Variants in ZC3H14 observed in about 807,000 individuals in gnomAD.
ZC3H14 encodes the protein zinc finger CCCH domain-containing protein 14.
ZC3H14 carries 31 observed loss-of-function variants against 92.4 expected under a neutral mutation model. The observed-to-expected ratio is 0.34, with a 90% CI of 0.25 to 0.45. The LOEUF (loss-of-function observed/expected upper bound fraction) is 0.45, where lower values mean the gene tolerates loss of function less well. Among genes scored for constraint, ZC3H14 ranks in the 20% least tolerant of loss-of-function variants. ZC3H14 has a pLI of 1.00. For synonymous variants in ZC3H14, 321 were observed against 300.9 expected (o/e 1.07, Z -0.69); for missense variants, 781 against 897.3 (o/e 0.87, Z 1.66).
In ZC3H14 at chr14:88,563,665, G is replaced by A. The variant is rs774260587; in HGVS notation, c.51G>A (p.Gly17=). 24 of 1,614,098 alleles carry A rather than the reference G, an allele frequency of 1.5e-5. No individual in the cohort carries two copies. Among genetic ancestry groups the A allele is most frequent in the Admixed American group, 1.3e-4 (8 of 60,010 alleles). ...TTTTCTCTCAGAGTGCCATTAAGGG[G>A]AAATTACAAGAATTAGGAGCTTATG... ...ISRKIRSAIK[G]KLQELGAYVD... Residue 17 remains glycine (G), a synonymous_variant, in exon 2 of 17, where the codon GGG becomes GGA. Transcript: ENST00000251038.
At position 88,572,228 on chromosome 14, in the gene ZC3H14, A is replaced by G. The variant is rs937324115; in HGVS notation, c.431+3A>G. ...GAGTCAAAAACCACAAATGTCAGGT[A>G]AGAGTCTGGTGTAGACCTGCTGGGG... On this transcript the variant is annotated splice_donor_region_variant and intron_variant, in intron 5 of 16. Coordinates refer to ENST00000251038, the MANE Select transcript of ZC3H14 (RefSeq NM_024824.5). 22 of 1,614,110 alleles carry G rather than the reference A, an allele frequency of 1.4e-5. No homozygotes were observed. Among genetic ancestry groups the G allele is most frequent in the Non-Finnish European group, 1.9e-5 (22 of 1,179,976 alleles).
Position 88,578,106 on chromosome 14 carries a change from G to T in ZC3H14, c.1245G>T (p.Glu415Asp). ...TPRISPPIKE[E>D]ETKGDSVEKN... ...GAATAAGTCCCCCCATTAAAGAAGAGGAAACAAAAGGAGATTCTGTAGAAA... is the reference window on the plus strand; with the variant it reads ...GAATAAGTCCCCCCATTAAAGAAGATGAAACAAAAGGAGATTCTGTAGAAA... The change falls in exon 9 of 17, where the codon GAG becomes GAT. Residue 415 changes from glutamate to aspartate, a missense_variant. By Grantham distance (45) the Glu-to-Asp change is conservative (BLOSUM62 2). Around this residue, in one of 3 missense-constraint regions of ZC3H14, gnomAD observed 454 missense variants for 438.5 expected, o/e 1.04. Coordinates refer to ENST00000251038, the MANE Select transcript of ZC3H14 (RefSeq NM_024824.5). 6.2e-7 allele frequency: 1 copy of T among 1,613,890 alleles called. No individual in the cohort carries two copies. The highest frequency in any genetic ancestry group is 1.1e-5 in the South Asian group (1 of 91,064).
At chr14:88,572,257 G>A in intron 5 of ZC3H14, 32 bp downstream of exon 5, 1 of 1,608,690 alleles carries the variant, frequency 6.2e-7, no homozygotes, top group East Asian at 2.2e-5. Flanking sequence ...GCTGGGGGCA[G>A]ATGGCTCTGT....
intron 9 of ZC3H14, among the ~76,000 whole-genome samples, chr14:88,585,866 T>C (rs1461420209): frequency 6.6e-6 from 1 of 152,236 alleles, no homozygotes; most frequent in Non-Finnish European, 1.5e-5. Context: ...CAATTTGATC[T>C]TTTTTAAAAT....
Position 88,617,079 on chromosome 14 carries a change from T to G in ZC3H14, c.*5328T>G, listed in dbSNP as rs1400670858. 2 of 460,900 alleles carry G rather than the reference T, an allele frequency of 4.3e-6. No individual in the cohort carries two copies. Among genetic ancestry groups the G allele is most frequent in the African/African-American group, 3.9e-5 (2 of 51,716 alleles). The allele number at this position is 460,900 out of a possible 1,614,324, so 28.6% of individuals were successfully genotyped here. On this transcript the variant is annotated 3_prime_UTR_variant, in exon 17 of 17. Coordinates refer to ENST00000251038, the MANE Select transcript of ZC3H14 (RefSeq NM_024824.5). ...CCTTTTAAAAATGACATTTTATAAT[T>G]TGAAGGGTTTCTAGATTAATCTTTT...
intron 2 of ZC3H14, 21 bp from the exon 3 acceptor site, chr14:88,568,018 T>C (rs1417099717): frequency 6.2e-7 from 1 of 1,602,710 alleles, no homozygotes; most frequent in East Asian, 2.2e-5. Flanking sequence ...AAAGTTTTGA[T>C]CTACCTTTCC....
chr14:88,626,782 A>G lies in ZC3H14; in HGVS notation c.*15031A>G. The G allele has an allele frequency of 2.6e-6, 4 of 1,562,042 alleles. No individual in the cohort carries two copies. The highest frequency in any genetic ancestry group is 2.6e-6 in the Non-Finnish European group (3 of 1,142,384). ...CAACATTCATGTGGCTGATGATCTAAGGCAAGAGAATGTAAAGTAGTCAAA... is the reference window on the plus strand; with the variant it reads ...CAACATTCATGTGGCTGATGATCTAGGGCAAGAGAATGTAAAGTAGTCAAA... On this transcript the variant is annotated 3_prime_UTR_variant, in exon 17 of 17. Coordinates refer to ENST00000251038, the MANE Select transcript of ZC3H14 (RefSeq NM_024824.5).
chr14:88,594,909 G>T, intron 9 of ZC3H14: 1 of 1,613,942 alleles, frequency 6.2e-7, no homozygotes, highest in South Asian at 1.1e-5. Flanking sequence ...CAGCTATTTT[G>T]ACAGTGGAAG....
At chr14:88,569,740 G>T (rs187931990) in intron 3 of ZC3H14, among the ~76,000 whole-genome samples, 2 of 152,296 alleles carry the variant, frequency 1.3e-5, no homozygotes, top group African/African-American at 4.8e-5. Flanking sequence ...TATACCAAAG[G>T]TCGTCTTCAA....
At position 88,563,050 on chromosome 14, in the gene ZC3H14, T is replaced by C; in HGVS notation, c.-84T>C. 5 of 1,523,964 alleles carry C rather than the reference T, an allele frequency of 3.3e-6. No homozygotes were observed. The South Asian group carries it at 6.0e-5, about 18-fold the overall frequency. The allele number at this position is 1,523,964 out of a possible 1,614,324, so 94.4% of individuals were successfully genotyped here. A position where few individuals can be genotyped will look rare whatever the true frequency, so the allele number is the denominator to read the frequency against. On this transcript the variant is annotated 5_prime_UTR_variant, in exon 1 of 17. Coordinates refer to ENST00000251038, the MANE Select transcript of ZC3H14 (RefSeq NM_024824.5). ...CGGAACGGAGGAGGAGGCGGTGGTGTCCCGGCTGCGGGGTAGGAGTCCGCG... is the reference window on the plus strand; with the variant it reads ...CGGAACGGAGGAGGAGGCGGTGGTGCCCCGGCTGCGGGGTAGGAGTCCGCG...
intron 15 of ZC3H14, among the ~76,000 whole-genome samples, chr14:88,610,188 G>A (rs2086341830): frequency 6.6e-6 from 1 of 152,172 alleles, no homozygotes; most frequent in Non-Finnish European, 1.5e-5. Flanking sequence ...GATGGTTGAT[G>A]AATCTCCAGA....
At chr14:88,605,923 T>C (rs1419843803) in intron 12 of ZC3H14, among the ~76,000 whole-genome samples, 2 of 152,162 alleles carry the variant, frequency 1.3e-5, no homozygotes, top group Admixed American at 6.5e-5. Context: ...GGAAACAGAA[T>C]TCCAAAAAGT....
chr14:88,602,801 C>G (rs773508791), intron 11 of ZC3H14, 27 bp from the exon 12 acceptor site: 3 of 1,610,882 alleles, frequency 1.9e-6, no homozygotes, highest in Admixed American at 3.3e-5. Flanking sequence ...TTCCCTAATT[C>G]TATGGTATTT....
chr14:88,588,754 A>G (rs967122391), intron 9 of ZC3H14, among the ~76,000 whole-genome samples: 1 of 152,172 alleles, frequency 6.6e-6, no homozygotes, highest in African/African-American at 2.4e-5. Flanking sequence ...TAGTTGGATG[A>G]TAAGCCCTTA....
intron 9 of ZC3H14, chr14:88,594,959 A>G: frequency 6.2e-7 from 1 of 1,613,998 alleles, no homozygotes; most frequent in African/African-American, 1.3e-5. Context: ...TCCAAGAATG[A>G]AGCAAAAATT....
intron 9 of ZC3H14, among the ~76,000 whole-genome samples, chr14:88,583,873 G>A (rs1369543490): frequency 6.6e-6 from 1 of 152,124 alleles, no homozygotes; most frequent in Non-Finnish European, 1.5e-5. Flanking sequence ...TTTTTGTGCT[G>A]CTTGACTTAC....
At chr14:88,588,324 G>A (rs1336483198) in intron 9 of ZC3H14, among the ~76,000 whole-genome samples, 1 of 152,082 alleles carries the variant, frequency 6.6e-6, no homozygotes, top group Non-Finnish European at 1.5e-5. Context: ...TTGTAATCAC[G>A]TCACAAAGAA....
intron 16 of ZC3H14, among the ~76,000 whole-genome samples, chr14:88,611,324 C>T (rs536012845): frequency 1.3e-5 from 2 of 152,174 alleles, no homozygotes; most frequent in Admixed American, 1.3e-4. Flanking sequence ...AACTCCTGAG[C>T]TGAAGCGATA....
In ZC3H14 at chr14:88,614,700, T is replaced by G. The variant is rs2087319915; in HGVS notation, c.*2949T>G. The G allele has an allele frequency of 6.6e-6, 1 of 152,186 alleles. No individual in the cohort carries two copies. The highest frequency in any genetic ancestry group is 2.4e-5 in the African/African-American group (1 of 41,448). The allele number at this position is 152,186 out of a possible 1,614,324, so 9.4% of individuals were successfully genotyped here. A position where few individuals can be genotyped will look rare whatever the true frequency, so the allele number is the denominator to read the frequency against. On this transcript the variant is annotated 3_prime_UTR_variant, in exon 17 of 17. Transcript: ENST00000251038. ...CAGCGAATTCCTGAATGATGAGTAG[T>G]GATCTTTGGCAGCATTTAAAGTGAA...
Sources: gnomAD v4.1 joint callset for allele counts (sites outside exome capture counted in the v4.1 genomes callset) on GRCh38, gnomAD v4.1.1 for gene constraint, gnomAD v4.1.1 regional missense constraint, MANE v1.5 for transcripts, NCBI Gene and HGNC (gene_info 2026-07-23, HGNC 2026-07-21) for gene names.